The following LRRC37B variants were observed in gnomAD, a reference collection of about 807,000 sequenced individuals.
The protein encoded by LRRC37B is leucine rich repeat containing 37B, also known as leucine-rich repeat-containing protein 37B.
LRRC37B carries 28 observed loss-of-function variants against 98.3 expected under a neutral mutation model. That is an observed-to-expected ratio of 0.28 (90% CI 0.21 to 0.39). The LOEUF is 0.39. Ranked by LOEUF, LRRC37B falls within the 10% of genes least tolerant of loss-of-function variation. The probability of loss-of-function intolerance (pLI) is 1.00; values close to 1 mark genes in which losing one functional copy is unlikely to be tolerated. For synonymous variants in LRRC37B, 364 were observed against 442.7 expected, an observed-to-expected ratio of 0.82 and a Z score of 2.23; for missense variants, 938 against 1,182.7, an observed-to-expected ratio of 0.79 and a Z score of 3.03.
chr17:32,050,914 C>T (rs1911737309), intron 11 of LRRC37B: 1 of 152,192 alleles, frequency 6.6e-6, no homozygotes, highest in Non-Finnish European at 1.5e-5. Flanking sequence ...CTTTTCCCAG[C>T]AGGCCAGTGC....
intron 7 of LRRC37B, among the ~76,000 whole-genome samples, chr17:32,039,498 ATATATATATATATATATATATATATG>A (rs377633141): frequency 0.011 from 495 of 44,918 alleles, 20 homozygotes; most frequent in East Asian, 0.082. Flanking sequence ...ATATATATAT[ATATATATATATATATATATATATATG>A]TATGTATTTT....
At chr17:32,046,016 G>A (rs1347009230) in intron 8 of LRRC37B, among the ~76,000 whole-genome samples, 198 bp downstream of exon 11, 7 of 152,318 alleles carry the variant, frequency 4.6e-5, no homozygotes, top group Admixed American at 3.3e-4. Context: ...ATTTAATAAT[G>A]GAACAGTTCC....
chr17:32,044,703 C>A (rs1259475475), intron 7 of LRRC37B, among the ~76,000 whole-genome samples: 1 of 152,006 alleles, frequency 6.6e-6, no homozygotes, highest in African/African-American at 2.4e-5. Flanking sequence ...AAGGTGAAAC[C>A]CTGTCTCTAC....
chr17:32,027,772 T>C, exon 3 of LRRC37B: 2 of 1,605,794 alleles, frequency 1.2e-6, no homozygotes, highest in Non-Finnish European at 1.7e-6. Flanking sequence ...TTTCCAGAAT[T>C]CTCAGTGAAA....
At chr17:32,010,999 CTTT>C (rs879813174) in intron 1 of LRRC37B, among the ~76,000 whole-genome samples, 1 of 143,258 alleles carries the variant, frequency 7.0e-6, no homozygotes, top group Non-Finnish European at 1.5e-5. Flanking sequence ...AAGGATTTCA[CTTT>C]TTTTTTTTTT....
upstream of LRRC37B, chr17:32,020,847 C>T (rs1378493492): frequency 5.4e-6 from 5 of 922,518 alleles, no homozygotes; most frequent in African/African-American, 1.7e-5. Flanking sequence ...CCCCACCCCA[C>T]CCCACCCCAC....
At chr17:32,045,342 A>G in intron 7 of LRRC37B, 1 of 184,018 alleles carries the variant, frequency 5.4e-6, no homozygotes. Context: ...GGCCTTCAGA[A>G]GTTGGGGGCT....
intron 6 of LRRC37B, 148 bp from the exon 10 acceptor site, chr17:32,035,417 T>C: frequency 1.2e-6 from 1 of 824,904 alleles, no homozygotes; most frequent in Non-Finnish European, 1.9e-6. Context: ...ATAAGATCTC[T>C]CTGGAATTTT....
At chr17:32,021,783 T>C (rs1204938625) in exon 1 of LRRC37B, 1 of 1,614,086 alleles carries the variant, frequency 6.2e-7, no homozygotes, top group Admixed American at 1.7e-5. Flanking sequence ...ACACCAATTA[T>C]CCAAACCTCA....
At chr17:32,021,838 C>G (rs780101775) in exon 1 of LRRC37B, 5 of 1,614,090 alleles carry the variant, frequency 3.1e-6, no homozygotes, top group Non-Finnish European at 4.2e-6. Context: ...AGTATGGACA[C>G]ACTGTATCCC....
At chr17:32,029,457 A>G (rs1911053688) in intron 3 of LRRC37B, among the ~76,000 whole-genome samples, 1 of 152,016 alleles carries the variant, frequency 6.6e-6, no homozygotes, top group South Asian at 2.1e-4. Flanking sequence ...AGAAGAAGAA[A>G]TGGATGTGGG....
intron 2 of LRRC37B, among the ~76,000 whole-genome samples, chr17:32,026,038 C>T (rs1028452549): frequency 6.6e-6 from 1 of 151,932 alleles, no homozygotes; most frequent in African/African-American, 2.4e-5. Context: ...GTTTTCTGTC[C>T]TTTGTTCATT....
intron 7 of LRRC37B, among the ~76,000 whole-genome samples, chr17:32,039,226 C>A (rs113930732): frequency 0.098 from 14,873 of 151,328 alleles, 1,004 homozygotes; most frequent in Middle Eastern, 0.15. Context: ...ATCCTCCGGC[C>A]TCGTTCTCCC....
upstream of LRRC37B, among the ~76,000 whole-genome samples, chr17:32,017,704 A>T (rs2142237977): frequency 6.6e-6 from 1 of 152,236 alleles, no homozygotes; most frequent in South Asian, 2.1e-4. Context: ...AGGCAAGAAG[A>T]TCACTTGAGC....
At chr17:32,024,687 G>T in intron 1 of LRRC37B, 24 bp from the exon 5 acceptor site, 2 of 1,607,632 alleles carry the variant, frequency 1.2e-6, no homozygotes, top group Non-Finnish European at 8.5e-7. Flanking sequence ...CCTATTCAAG[G>T]ATATAAACTG....
chr17:32,021,456 G>C (rs1273937116), exon 1 of LRRC37B: 2 of 1,613,984 alleles, frequency 1.2e-6, no homozygotes, highest in Non-Finnish European at 1.7e-6. Context: ...ATTGGATTCA[G>C]CTGGAGAGCT....
rs1433969037 is a variant in LRRC37B, at chr17:32,038,969, T to C, written c.2204+3330T>C. Reference sequence around the variant, plus strand: ...TTTTTTCTTATATGGCTTGTGCTTTTTTGTTTCTTACCTAAGAAATCTTTA... The same window carrying C: ...TTTTTTCTTATATGGCTTGTGCTTTCTTGTTTCTTACCTAAGAAATCTTTA... On this transcript the variant is annotated intron_variant, in intron 7 of 11. Transcript: ENST00000327564. Among the ~76,000 whole-genome samples the C allele has an allele frequency of 2.6e-5, 4 of 152,360 alleles. 1 individual carries two copies. Among genetic ancestry groups the C allele is most frequent in the African/African-American group, 9.6e-5 (4 of 41,584 alleles).
In LRRC37B at chr17:32,025,030, G is replaced by T. The variant is rs377704270; in HGVS notation, c.1832+248G>T. On this transcript the variant is annotated intron_variant, in intron 2 of 11. Transcript: ENST00000327564. Reference sequence around the variant, plus strand: ...CATGGTTATATTCTTTTTTTTCCTCGTTTTTTTTTTTTTTTTTTTTTTCAG... The same window carrying T: ...CATGGTTATATTCTTTTTTTTCCTCTTTTTTTTTTTTTTTTTTTTTTTCAG... 4.5e-3 allele frequency among the ~76,000 whole-genome samples: 317 copies of T among 69,818 alleles called. 2 individuals are homozygous for T. The highest frequency in any genetic ancestry group is 6.5e-3 in the South Asian group (10 of 1,540). 45.8% of individuals were successfully genotyped at this position (69,818 alleles called of 152,430 possible).
At chr17:32,039,555 TA>T (rs1474944789) in intron 7 of LRRC37B, among the ~76,000 whole-genome samples, 99 of 119,716 alleles carry the variant, frequency 8.3e-4, no homozygotes, top group African/African-American at 3.6e-3. Flanking sequence ...TCTATATATA[TA>T]TTCTATATAT....
Sources: gnomAD v4.1 joint callset for allele counts (sites outside exome capture counted in the v4.1 genomes callset) on GRCh38, gnomAD v4.1.1 for gene constraint, MANE v1.5 for transcripts, NCBI Gene and HGNC (gene_info 2026-07-23, HGNC 2026-07-21) for gene names.